UNK: variants seen among roughly 807,000 people sequenced by gnomAD.
UNK encodes unk zinc finger, also known as RING finger protein unkempt homolog.
Under a neutral mutation model 97.6 loss-of-function variants are expected in UNK, and 32 were observed. The ratio of observed to expected loss-of-function variants is 0.33; its 90% CI spans 0.25 to 0.44. The LOEUF (loss-of-function observed/expected upper bound fraction) is 0.44. Among genes scored for constraint, UNK ranks in the 20% least tolerant of loss-of-function variants. The pLI is 1.00. For synonymous variants in UNK, 441 were observed against 461.2 expected, an observed-to-expected ratio of 0.96 and a Z score of 0.56; for missense variants, 771 against 1,098.4, an observed-to-expected ratio of 0.70 and a Z score of 4.21.
intron 1 of UNK, among the ~76,000 whole-genome samples, chr17:75,804,595 T>C (rs1417971740): frequency 1.3e-5 from 2 of 152,028 alleles, no homozygotes; most frequent in African/African-American, 4.8e-5. Flanking sequence ...CCCAGCACAT[T>C]GGGAGGTTGA....
In UNK at chr17:75,819,540, A is replaced by G; in HGVS notation, c.1547-144A>G. ...GTCAGGAGTCAGGATTGGCATAGGA[A>G]GCAGCTGAAGGAAGGGCACAGGGGC... On this transcript the variant is annotated intron_variant, in intron 11 of 15. Coordinates refer to ENST00000589666, the MANE Select transcript of UNK (RefSeq NM_001080419.3). The surrounding 1 kb of genome is among the most constrained non-coding windows in gnomAD (Gnocchi z 5.4). The G allele has an allele frequency of 1.4e-6, 1 of 703,948 alleles. No individual in the cohort carries two copies. The highest frequency in any genetic ancestry group is 2.7e-5 in the East Asian group (1 of 36,886). 43.6% of individuals were successfully genotyped at this position (703,948 alleles called of 1,614,324 possible).
chr17:75,813,011 A>G, intron 4 of UNK, 67 bp from the exon 5 acceptor site: 2 of 1,506,866 alleles, frequency 1.3e-6, no homozygotes, highest in South Asian at 1.3e-5. Context: ...CCTCCACTCC[A>G]GTCCTGCTAG....
chr17:75,820,385 C>T (rs2062056224), intron 13 of UNK, among the ~76,000 whole-genome samples: 1 of 152,218 alleles, frequency 6.6e-6, no homozygotes, highest in South Asian at 2.1e-4. Flanking sequence ...AAGTGCTAGG[C>T]ACGAGGCCAG....
rs765684931 is a variant in UNK at position 75,816,952 on chromosome 17, G to A, written c.1104+40G>A. On this transcript the variant is annotated intron_variant, in intron 8 of 15. Transcript: ENST00000589666. This position sits in a 1 kb window ranked among gnomAD's most constrained non-coding sequence, Gnocchi z 4.0. ...TGGGGAGTGGGTGGGCACCATGCCT[G>A]ACAGAGCCAATACTTGCCTCCTAGG... The A allele has an allele frequency of 3.8e-6, 6 of 1,575,182 alleles. No individual in the cohort carries two copies. The East Asian group carries it at 1.1e-4, about 30-fold the overall frequency.
rs2062034832 is a variant in UNK at position 75,818,275 on chromosome 17, G to C, written c.1371+107G>C. 11 of 1,310,162 alleles carry C rather than the reference G, an allele frequency of 8.4e-6. No individual in the cohort carries two copies. The highest frequency in any genetic ancestry group is 1.2e-5 in the Non-Finnish European group (11 of 937,846). 81.2% of individuals were successfully genotyped at this position (1,310,162 alleles called of 1,614,324 possible). Reference sequence around the variant, plus strand: ...GGCACCACTTTTCCCAAAAGCTGAGGGCAGGACTAAAGTGGGGTCCCAGCC... The same window carrying C: ...GGCACCACTTTTCCCAAAAGCTGAGCGCAGGACTAAAGTGGGGTCCCAGCC... On this transcript the variant is annotated intron_variant, in intron 10 of 15. Transcript: ENST00000589666. The surrounding 1 kb of genome is among the most constrained non-coding windows in gnomAD (Gnocchi z 5.1).
At chr17:75,788,474 G>A (rs188552368) in intron 1 of UNK, among the ~76,000 whole-genome samples, 34 of 151,730 alleles carry the variant, frequency 2.2e-4, no homozygotes, top group East Asian at 1.4e-3. Context: ...CACTGTTCCC[G>A]TCTGCCTGTC....
intron 13 of UNK, chr17:75,821,948 T>C (rs2062073029): frequency 3.0e-6 from 1 of 337,888 alleles, no homozygotes; most frequent in African/African-American, 2.2e-5. Context: ...TGGTAAAACA[T>C]TTTATCCAGG....
chr17:75,797,575 T>C (rs908035586), intron 1 of UNK, among the ~76,000 whole-genome samples: 18 of 152,340 alleles, frequency 1.2e-4, no homozygotes, highest in Non-Finnish European at 2.1e-4. Context: ...TTTATAAGAC[T>C]GGCTGTAATA....
At chr17:75,787,815 A>C in intron 1 of UNK, among the ~76,000 whole-genome samples, 1 of 148,204 alleles carries the variant, frequency 6.7e-6, no homozygotes, top group African/African-American at 2.5e-5. Flanking sequence ...ACAGAGTGAG[A>C]CTCGGTCCAA....
At chr17:75,799,416 C>G (rs1221483955) in intron 1 of UNK, among the ~76,000 whole-genome samples, 1 of 152,154 alleles carries the variant, frequency 6.6e-6, no homozygotes, top group Non-Finnish European at 1.5e-5. Flanking sequence ...TTTTAGTGTT[C>G]AGGTGAGGAA....
chr17:75,800,901 A>G (rs2061850809), intron 1 of UNK, among the ~76,000 whole-genome samples: 1 of 151,314 alleles, frequency 6.6e-6, no homozygotes, highest in Non-Finnish European at 1.5e-5. Flanking sequence ...GTGTCAGCAT[A>G]CCACATTTTT....
intron 1 of UNK, 27 bp downstream of exon 1, chr17:75,785,011 G>A: frequency 7.8e-7 from 1 of 1,274,228 alleles, no homozygotes; most frequent in East Asian, 3.2e-5. Flanking sequence ...CCCCCCCGCC[G>A]CGCGCGCACG....
Position 75,819,974 on chromosome 17 carries a change from G to A in UNK, c.1703G>A (p.Ser568Asn). The A allele has an allele frequency of 6.2e-7, 1 of 1,613,228 alleles. No homozygotes were observed. Among genetic ancestry groups the A allele is most frequent in the East Asian group, 2.2e-5 (1 of 44,884 alleles). ...GTGAACATCCCCGGCTCCTTGGGCA[G>A]CTCTGCCTCCTTCCACTCAGCATCC... Reference protein sequence around the residue: ...APVNIPGSLGSSASFHSASPS... With the variant: ...APVNIPGSLGNSASFHSASPS... Residue 568 changes from serine (S) to asparagine (N), a missense_variant, in exon 13 of 16, where the codon AGC (serine) becomes AAC (asparagine). Physicochemically the swap from Ser to Asn is conservative, Grantham distance 46. Around this residue, in one of 5 missense-constraint regions of UNK, gnomAD observed 91 missense variants for 173.1 expected, o/e 0.53. Transcript: ENST00000589666. This position sits in a 1 kb window ranked among gnomAD's most constrained non-coding sequence, Gnocchi z 5.4.
rs372747953 is a variant in UNK at position 75,817,403 on chromosome 17, A to C, written c.1182A>C (p.Pro394=). Residue 394 remains proline, a synonymous_variant, in exon 9 of 16, where the codon CCA becomes CCC. Transcript: ENST00000589666. This position sits in a 1 kb window ranked among gnomAD's most constrained non-coding sequence, Gnocchi z 5.8. ...CACCGGGCTCCATCAGGAAGCCCCC[A>C]AACCTGGAGGGCATCGTCTTCCCTG... ...GSPPGSIRKP[P]NLEGIVFPGE... 4.7e-5 allele frequency: 76 copies of C among 1,612,396 alleles called. No individual in the cohort carries two copies. Among genetic ancestry groups the C allele is most frequent in the Non-Finnish European group, 5.9e-5 (69 of 1,179,152 alleles).
At position 75,784,927 on chromosome 17, in the gene UNK, C is replaced by A. The variant is rs755934572; in HGVS notation, c.47C>A (p.Pro16His). Residue 16 changes from proline to histidine, a missense_variant, in exon 1 of 16, where the codon CCC becomes CAC. Physicochemically the swap from Pro to His is moderately conservative, Grantham distance 77. Transcript: ENST00000589666. ...GGCGGCTCCGCAGCTTCCTCGGCGC[C>A]CCCGGCCGCTACCGCTCAGGTGCTG... ...GPGGSAASSA[P>H]PAATAQVLQA... is the part of the protein sequence containing the mutation. The A allele has an allele frequency of 1.3e-6, 2 of 1,558,770 alleles. No homozygotes were observed. Among genetic ancestry groups the A allele is most frequent in the East Asian group, 4.8e-5 (2 of 42,058 alleles).
At chr17:75,785,085 C>T (rs955888049) in intron 1 of UNK, 101 bp downstream of exon 1, 2 of 749,600 alleles carry the variant, frequency 2.7e-6, no homozygotes, top group South Asian at 2.1e-5. Context: ...CTCTTCCTCC[C>T]CCCCTTCCTC....
intron 1 of UNK, among the ~76,000 whole-genome samples, chr17:75,798,927 C>T (rs1240888813): frequency 2.0e-5 from 3 of 152,038 alleles, no homozygotes; most frequent in East Asian, 1.9e-4. Context: ...ATTAGCCAGG[C>T]GTGGTGGCGG....
rs2062044935 is a variant in UNK at position 75,819,332 on chromosome 17, C to T, written c.1547-352C>T. Reference sequence around the variant, plus strand: ...CCTGCTATACACCAGCCACTGAGTGCCCAGAGACCCGCCCACCCCCACTGA... The same window carrying T: ...CCTGCTATACACCAGCCACTGAGTGTCCAGAGACCCGCCCACCCCCACTGA... On this transcript the variant is annotated intron_variant, in intron 11 of 15. Transcript: ENST00000589666. The surrounding 1 kb of genome is among the most constrained non-coding windows in gnomAD (Gnocchi z 5.4). 3 of 341,144 alleles carry T rather than the reference C, an allele frequency of 8.8e-6. No homozygotes were observed. The highest frequency in any genetic ancestry group is 3.2e-5 in the South Asian group (1 of 31,118). The allele number at this position is 341,144 out of a possible 1,614,324, so 21.1% of individuals were successfully genotyped here.
Position 75,809,934 on chromosome 17 carries a change from C to T in UNK, c.279C>T (p.Tyr93=), listed in dbSNP as rs1445263403. ...NYSPDVYCTK[Y]DEATGLCPEG... is the part of the protein sequence containing the mutation. ...GCCCTGACGTCTACTGCACCAAGTA[C>T]GACGAGGCTACAGGCCTCTGCCCGG... Residue 93 remains tyrosine (Y), a synonymous_variant, in exon 2 of 16, where the codon TAC becomes TAT. Transcript: ENST00000589666. The T allele has an allele frequency of 2.0e-5, 32 of 1,613,626 alleles. No individual in the cohort carries two copies. Among genetic ancestry groups the T allele is most frequent in the African/African-American group, 4.0e-5 (3 of 74,960 alleles).
Sources: gnomAD v4.1 joint callset for allele counts (sites outside exome capture counted in the v4.1 genomes callset) on GRCh38, gnomAD v4.1.1 for gene constraint, gnomAD v4.1.1 regional missense constraint, Gnocchi (gnomAD v3.1) non-coding constraint, MANE v1.5 for transcripts, NCBI Gene and HGNC (gene_info 2026-07-23, HGNC 2026-07-21) for gene names.